Variants in UAP1 observed in about 807,000 individuals in gnomAD.
UAP1 encodes UDP-N-acetylhexosamine pyrophosphorylase.
In UAP1, 25 loss-of-function variants were observed where a neutral mutation model predicts 58.5. The observed-to-expected ratio is 0.43, with a 90% CI of 0.31 to 0.60. The LOEUF is 0.60. UAP1 is among the 20% of genes least tolerant of loss of function. UAP1 has a pLI of 0.11. For missense variants in UAP1, 575 were observed against 630.0 expected, an observed-to-expected ratio of 0.91 and a Z score of 0.93; for synonymous variants, 208 against 213.0, an observed-to-expected ratio of 0.98 and a Z score of 0.21.
intron 9 of UAP1, among the ~76,000 whole-genome samples, chr1:162,596,956 G>A (rs2101847629): frequency 6.6e-6 from 1 of 152,284 alleles, no homozygotes; most frequent in East Asian, 1.9e-4. Flanking sequence ...GTAAATGTTA[G>A]GTTGTGACCT....
intron 7 of UAP1, among the ~76,000 whole-genome samples, chr1:162,589,166 TATATAA>T (rs2101819032): frequency 1.9e-5 from 2 of 105,858 alleles, no homozygotes; most frequent in African/African-American, 7.6e-5. Context: ...TTATATATAA[TATATAA>T]ATATTATATA....
intron 5 of UAP1, among the ~76,000 whole-genome samples, chr1:162,582,043 A>G (rs1242573587): frequency 6.6e-6 from 1 of 152,208 alleles, no homozygotes; most frequent in East Asian, 1.9e-4. Flanking sequence ...TTTTAGTTGT[A>G]TAGGTGATGG....
chr1:162,567,358 A>G (rs1653580002), intron 2 of UAP1, among the ~76,000 whole-genome samples: 1 of 152,206 alleles, frequency 6.6e-6, no homozygotes, highest in African/African-American at 2.4e-5. Flanking sequence ...AGCATTTAGA[A>G]CAAGAGTTTT....
At chr1:162,590,924 A>ATT (rs529871740) in intron 8 of UAP1, among the ~76,000 whole-genome samples, 71 of 126,730 alleles carry the variant, frequency 5.6e-4, no homozygotes, top group African/African-American at 1.9e-3. Context: ...CCTCACCACT[A>ATT]TTTTTTTTTT....
At chr1:162,588,753 C>T (rs774942182) in exon 7 of UAP1, 103 of 1,611,812 alleles carry the variant, frequency 6.4e-5, no homozygotes, top group Non-Finnish European at 8.2e-5. Flanking sequence ...ATGTGGATAC[C>T]CAAGGACAGT....
In UAP1 at chr1:162,566,000, T is replaced by G; in HGVS notation, c.-57-12T>G. Reference sequence around the variant, plus strand: ...GGATTTTGACATGCCATTAATTACTTTTCTCTTTTAGGTTTACAGGTACAT... The same window carrying G: ...GGATTTTGACATGCCATTAATTACTGTTCTCTTTTAGGTTTACAGGTACAT... On this transcript the variant is annotated splice_polypyrimidine_tract_variant and intron_variant, in intron 1 of 10. Transcript: ENST00000271469. 1 of 1,487,958 alleles carries G rather than the reference T, an allele frequency of 6.7e-7. No individual in the cohort carries two copies. The allele number at this position is 1,487,958 out of a possible 1,614,324, so 92.2% of individuals were successfully genotyped here.
intron 2 of UAP1, among the ~76,000 whole-genome samples, chr1:162,568,545 A>G (rs887094320): frequency 6.6e-6 from 1 of 152,260 alleles, no homozygotes; most frequent in African/African-American, 2.4e-5. Context: ...TTTCAGATGT[A>G]AAATGCTTGG....
chr1:162,598,292 A>T (rs1655732377), intron 10 of UAP1, among the ~76,000 whole-genome samples: 1 of 152,092 alleles, frequency 6.6e-6, no homozygotes, highest in Non-Finnish European at 1.5e-5. Context: ...GGATGTCCTT[A>T]GAGAAGATGC....
chr1:162,581,377 G>T, exon 5 of UAP1: 1 of 1,614,104 alleles, frequency 6.2e-7, no homozygotes, highest in Non-Finnish European at 8.5e-7. Context: ...CATGTCTATT[G>T]TGTTGACAAC....
intron 7 of UAP1, among the ~76,000 whole-genome samples, chr1:162,589,104 TA>T (rs1557977209): frequency 1.7e-5 from 2 of 120,452 alleles, no homozygotes; most frequent in Non-Finnish European, 3.2e-5. Flanking sequence ...ATTAAATATA[TA>T]TATTATATAT....
intron 1 of UAP1, among the ~76,000 whole-genome samples, chr1:162,562,211 A>G (rs1238242437): frequency 6.6e-6 from 1 of 151,970 alleles, no homozygotes; most frequent in Non-Finnish European, 1.5e-5. Context: ...CCTTGTGGAC[A>G]GTTATACCAA....
At chr1:162,569,809 T>A (rs1270790483) in intron 2 of UAP1, among the ~76,000 whole-genome samples, 1 of 152,222 alleles carries the variant, frequency 6.6e-6, no homozygotes, top group Non-Finnish European at 1.5e-5. Context: ...TCCTCTACAT[T>A]TTTTGAAATC....
intron 3 of UAP1, among the ~76,000 whole-genome samples, chr1:162,577,857 G>A (rs748226686): frequency 7.9e-5 from 12 of 151,812 alleles, no homozygotes; most frequent in Non-Finnish European, 1.5e-4. Flanking sequence ...TGATCTGCCC[G>A]TCTCAGCATC....
At chr1:162,585,944 T>C (rs1303738093) in intron 5 of UAP1, among the ~76,000 whole-genome samples, 3 of 152,196 alleles carry the variant, frequency 2.0e-5, no homozygotes, top group Non-Finnish European at 4.4e-5. Flanking sequence ...TGCTGCATAA[T>C]GTTCCCCTTC....
intron 4 of UAP1, 45 bp downstream of exon 4, chr1:162,579,648 C>T: frequency 7.3e-7 from 1 of 1,362,498 alleles, no homozygotes; most frequent in Non-Finnish European, 9.8e-7. Flanking sequence ...AGGATAACAA[C>T]ATAAATCATC....
rs763633367 is a variant in UAP1 at position 162,579,625 on chromosome 1, A to C, written c.661+22A>C. On this transcript the variant is annotated intron_variant, in intron 4 of 10. Coordinates refer to ENST00000271469, the Ensembl canonical transcript of UAP1. ...CCAGGTTTGTAATCATCCTTATTTA[A>C]TGGTGACTAGAAAGGATAACAACAT... is the stretch of plus-strand genomic sequence containing the variant. 2.0e-6 allele frequency: 3 copies of C among 1,495,498 alleles called. No individual in the cohort carries two copies. The African/African-American group carries it at 4.2e-5, about 21-fold the overall frequency. 92.6% of individuals were successfully genotyped at this position (1,495,498 alleles called of 1,614,324 possible). A position where few individuals can be genotyped will look rare whatever the true frequency, so the allele number is the denominator to read the frequency against.
rs148094601 is a variant in UAP1 at position 162,566,168 on chromosome 1, T to C, written c.100T>C (p.Tyr34His). Reference sequence around the variant, plus strand: ...TGAAGAAGCCCAACAGGTAGAACTTTATGCAGAGCTCCAGGCCATGAACTT... The same window carrying C: ...TGAAGAAGCCCAACAGGTAGAACTTCATGCAGAGCTCCAGGCCATGAACTT... The change falls in exon 2 of 11, where the codon TAT becomes CAT. Residue 34 changes from tyrosine (Y) to histidine (H), a missense_variant. Physicochemically the swap from Tyr to His is moderately conservative, Grantham distance 83. Transcript: ENST00000271469. The C allele has an allele frequency of 2.2e-3, 3,508 of 1,614,104 alleles. 61 individuals carry two copies. Among genetic ancestry groups the C allele is most frequent in the Non-Finnish European group, 4.2e-4 (501 of 1,180,042 alleles).
chr1:162,578,190 T>A (rs1277974855), intron 3 of UAP1, among the ~76,000 whole-genome samples: 2 of 152,128 alleles, frequency 1.3e-5, no homozygotes, highest in Non-Finnish European at 2.9e-5. Flanking sequence ...CAAGTCCCTA[T>A]CTTGTTATTT....
intron 1 of UAP1, among the ~76,000 whole-genome samples, chr1:162,565,353 T>C (rs1223799481): frequency 6.6e-6 from 1 of 152,238 alleles, no homozygotes; most frequent in Admixed American, 6.5e-5. Context: ...AGAAAACATT[T>C]GTCTTATTCA....
Sources: gnomAD v4.1 joint callset for allele counts (sites outside exome capture counted in the v4.1 genomes callset) on GRCh38, gnomAD v4.1.1 for gene constraint, MANE v1.5 for transcripts, NCBI Gene and HGNC (gene_info 2026-07-23, HGNC 2026-07-21) for gene names.